The following GULP1 variants were observed in gnomAD, a reference collection of about 807,000 sequenced individuals.
GULP1 encodes GULP PTB domain containing engulfment adaptor 1.
In GULP1, 19 loss-of-function variants were observed where a neutral mutation model predicts 40.9. That is an observed-to-expected ratio of 0.46 (90% CI 0.32 to 0.68). GULP1 has a LOEUF of 0.68. Among genes scored for constraint, GULP1 ranks in the 30% least tolerant of loss-of-function variants. GULP1 has a pLI of 0.03. For synonymous variants in GULP1, 119 were observed against 117.6 expected (o/e 1.01, Z -0.08); for missense variants, 312 against 362.2 (o/e 0.86, Z 1.12).
intron 2 of GULP1, among the ~76,000 whole-genome samples, chr2:188,470,218 G>A (rs2060474615): frequency 6.6e-6 from 1 of 152,106 alleles, no homozygotes; most frequent in Non-Finnish European, 1.5e-5. Context: ...CTTTATTACA[G>A]CTTTGATCTT....
intron 11 of GULP1, chr2:188,588,643 T>C (rs1039963818): frequency 6.6e-6 from 1 of 152,210 alleles, no homozygotes; most frequent in Non-Finnish European, 1.5e-5. Flanking sequence ...CTATTTTTCA[T>C]CAAAAAGTTT....
chr2:188,299,041 A>C (rs2035602156), intron 1 of GULP1, among the ~76,000 whole-genome samples: 1 of 152,224 alleles, frequency 6.6e-6, no homozygotes, highest in African/African-American at 2.4e-5. Flanking sequence ...TGGACCGCAC[A>C]GTCTAAGATA....
chr2:188,383,146 G>A (rs1466222125), intron 1 of GULP1, among the ~76,000 whole-genome samples: 7 of 152,086 alleles, frequency 4.6e-5, no homozygotes, highest in Non-Finnish European at 7.4e-5. Flanking sequence ...CGGTACATTC[G>A]AAATAATATA....
At chr2:188,400,021 C>T (rs924736026) in intron 2 of GULP1, among the ~76,000 whole-genome samples, 1 of 152,060 alleles carries the variant, frequency 6.6e-6, no homozygotes, top group South Asian at 2.1e-4. Flanking sequence ...AGGCATAGAA[C>T]TATAAACAGA....
chr2:188,511,937 G>T (rs559342721), intron 4 of GULP1, among the ~76,000 whole-genome samples: 56 of 151,786 alleles, frequency 3.7e-4, no homozygotes, highest in Non-Finnish European at 6.9e-4. Flanking sequence ...ATCTATTTTA[G>T]TTTTTTTCAG....
At chr2:188,454,993 A>G (rs889341712) in intron 2 of GULP1, among the ~76,000 whole-genome samples, 1 of 152,010 alleles carries the variant, frequency 6.6e-6, no homozygotes, top group African/African-American at 2.4e-5. Context: ...TTAACCAGGT[A>G]TGAGGGTATG....
chr2:188,496,127 T>A (rs1190776617), intron 4 of GULP1, among the ~76,000 whole-genome samples: 1 of 152,030 alleles, frequency 6.6e-6, no homozygotes, highest in East Asian at 1.9e-4. Context: ...GAGATTTAGA[T>A]TCAGAGAAGC....
chr2:188,450,352 A>C (rs1165125232), intron 2 of GULP1, among the ~76,000 whole-genome samples: 3 of 152,182 alleles, frequency 2.0e-5, no homozygotes, highest in African/African-American at 7.2e-5. Flanking sequence ...TTAAGTGTGT[A>C]TAATACAGTT....
chr2:188,593,959 T>C lies in GULP1; in HGVS notation c.863T>C (p.Leu288Pro). The change falls in exon 12 of 12, where the codon CTA becomes CCA. Residue 288 changes from leucine (L) to proline (P), a missense_variant. Coordinates refer to ENST00000409830, the MANE Select transcript of GULP1 (RefSeq NM_016315.4). ...TTACAGGAGGGGTTCAAAATGGGAC[T>C]AACTCTTGAAGGCACAGTATTTTGT... ...DEMQEGFKMG[L>P]TLEGTVFCLD... 6.3e-7 allele frequency: 1 copy of C among 1,592,164 alleles called. No individual in the cohort carries two copies. The highest frequency in any genetic ancestry group is 8.6e-7 in the Non-Finnish European group (1 of 1,160,756).
chr2:188,514,733 A>G (rs897541732), intron 4 of GULP1, among the ~76,000 whole-genome samples: 20 of 152,202 alleles, frequency 1.3e-4, no homozygotes, highest in African/African-American at 3.1e-4. Context: ...TGTTGAATAT[A>G]CCAGTGTCCC....
intron 2 of GULP1, among the ~76,000 whole-genome samples, chr2:188,406,316 G>T (rs1447182356): frequency 6.6e-6 from 1 of 152,094 alleles, no homozygotes; most frequent in Admixed American, 6.5e-5. Flanking sequence ...TACAGAAGAG[G>T]TACAGTGAAA....
At chr2:188,540,661 TA>T (rs531268892) in intron 6 of GULP1, among the ~76,000 whole-genome samples, 1 of 152,172 alleles carries the variant, frequency 6.6e-6, no homozygotes, top group Non-Finnish European at 1.5e-5. Flanking sequence ...TTATATAAAA[TA>T]AAATTTAATA....
chr2:188,540,491 T>C (rs528395136), intron 6 of GULP1, among the ~76,000 whole-genome samples: 14 of 151,972 alleles, frequency 9.2e-5, no homozygotes, highest in African/African-American at 3.1e-4. Flanking sequence ...ATCGATCTGG[T>C]TGCAGTATTT....
intron 2 of GULP1, among the ~76,000 whole-genome samples, chr2:188,408,244 A>G (rs1325757667): frequency 2.6e-5 from 4 of 152,188 alleles, no homozygotes; most frequent in African/African-American, 4.8e-5. Context: ...ACCAGATGCC[A>G]GCACCATACT....
Position 188,541,544 on chromosome 2 carries a change from G to A in GULP1, c.399+226G>A. The A allele has an allele frequency of 5.1e-6, 3 of 587,200 alleles. No homozygotes were observed. In the South Asian group the frequency reaches 6.8e-5, roughly 13 times the overall value. The allele number at this position is 587,200 out of a possible 1,614,324, so 36.4% of individuals were successfully genotyped here. On this transcript the variant is annotated intron_variant, in intron 7 of 11. Coordinates refer to ENST00000409830, the MANE Select transcript of GULP1 (RefSeq NM_016315.4). ...CATGGTCATGAGCATAAACTTACAT[G>A]TAAATTTCTTTTATTAGAATGCCAT...
chr2:188,366,743 G>A (rs943371715), intron 1 of GULP1, among the ~76,000 whole-genome samples: 4 of 151,770 alleles, frequency 2.6e-5, no homozygotes, highest in South Asian at 2.1e-4. Flanking sequence ...ACAGGCGCCC[G>A]CCACCATGCC....
At chr2:188,520,788 C>T (rs1333614500) in intron 4 of GULP1, among the ~76,000 whole-genome samples, 2 of 152,140 alleles carry the variant, frequency 1.3e-5, no homozygotes, top group Non-Finnish European at 1.5e-5. Context: ...ATATAATTCG[C>T]TTGCCCTACC....
chr2:188,517,509 G>GT (rs111624749), intron 4 of GULP1, among the ~76,000 whole-genome samples: 5 of 151,310 alleles, frequency 3.3e-5, no homozygotes, highest in Non-Finnish European at 5.9e-5. Flanking sequence ...TTTTGTTGCT[G>GT]TTTTTTTTCC....
chr2:188,399,704 A>C (rs1026589768), intron 2 of GULP1, among the ~76,000 whole-genome samples: 11 of 149,716 alleles, frequency 7.3e-5, no homozygotes, highest in Non-Finnish European at 1.6e-4. Context: ...AAAAAAAAAA[A>C]AAAAAAAAAA....
Sources: allele counts gnomAD v4.1 joint callset (sites outside exome capture counted in the v4.1 genomes callset), GRCh38; gene constraint gnomAD v4.1.1; transcripts MANE v1.5; gene names NCBI Gene and HGNC (gene_info 2026-07-23, HGNC 2026-07-21).